PPP1R9A: variants seen among roughly 807,000 people sequenced by gnomAD.
PPP1R9A encodes neurabin-1.
A neutral mutation model predicts 141.9 loss-of-function variants in PPP1R9A; 59 were observed. The ratio of observed to expected loss-of-function variants is 0.42; its 90% CI spans 0.34 to 0.52. The LOEUF (loss-of-function observed/expected upper bound fraction) is 0.52, where lower values mean the gene tolerates loss of function less well. Ranked by LOEUF, PPP1R9A falls within the 20% of genes least tolerant of loss-of-function variation. The pLI, the probability that PPP1R9A is intolerant of heterozygous loss-of-function variation, is 0.10. For missense variants in PPP1R9A, 1,444 were observed against 1,611.9 expected, an observed-to-expected ratio of 0.90 and a Z score of 1.78; for synonymous variants, 500 against 569.7, an observed-to-expected ratio of 0.88 and a Z score of 1.74.
intron 5 of PPP1R9A, among the ~76,000 whole-genome samples, chr7:95,185,017 T>C (rs1329139950): frequency 8.4e-6 from 1 of 118,442 alleles, no homozygotes; most frequent in Non-Finnish European, 1.7e-5. Flanking sequence ...ATAGTAGTTC[T>C]ACTTTTAAGT....
At chr7:95,115,197 A>G (rs1293185424) in intron 3 of PPP1R9A, among the ~76,000 whole-genome samples, 2 of 152,178 alleles carry the variant, frequency 1.3e-5, no homozygotes, top group African/African-American at 2.4e-5. Context: ...AAGTAAACTT[A>G]TGCAAATTAG....
At chr7:95,130,598 A>C (rs1179405257) in intron 4 of PPP1R9A, among the ~76,000 whole-genome samples, 1 of 152,130 alleles carries the variant, frequency 6.6e-6, no homozygotes, top group Non-Finnish European at 1.5e-5. Context: ...ATCCACTGAC[A>C]GCTTGCACTC....
chr7:94,955,523 C>G (rs1157633443), intron 2 of PPP1R9A, among the ~76,000 whole-genome samples: 3 of 152,002 alleles, frequency 2.0e-5, no homozygotes, highest in African/African-American at 7.2e-5. Flanking sequence ...GCTCTAATTG[C>G]TGTTCTGTTC....
At chr7:95,176,984 G>GACC (rs1323193969) in intron 5 of PPP1R9A, among the ~76,000 whole-genome samples, 2 of 152,064 alleles carry the variant, frequency 1.3e-5, no homozygotes, top group Non-Finnish European at 2.9e-5. Context: ...CCTTGCTAGA[G>GACC]ACCTAGACAT....
rs1223557149 is a variant in PPP1R9A, at chr7:95,072,668, ATAT to A, written c.1396-38587_1396-38585del. 2.5e-5 allele frequency among the ~76,000 whole-genome samples: 3 copies of A among 122,236 alleles called. No homozygotes were observed. The East Asian group carries it at 6.2e-4, about 25-fold the overall frequency. The allele number at this position is 122,236 out of a possible 152,430, so 80.2% of individuals were successfully genotyped here. A position where few individuals can be genotyped will look rare whatever the true frequency, so the allele number is the denominator to read the frequency against. ...TAATATATTATAAAATATATATTAT[ATAT>A]TATATTACATATTATATATTATGTA... On this transcript the variant is annotated intron_variant, in intron 2 of 19. Transcript: ENST00000433360.
intron 2 of PPP1R9A, among the ~76,000 whole-genome samples, chr7:94,972,628 T>C (rs1269217618): frequency 6.6e-6 from 1 of 152,196 alleles, no homozygotes; most frequent in Non-Finnish European, 1.5e-5. Flanking sequence ...CAGCTGTGTT[T>C]CCTGGGTTTG....
rs854547 is a variant in PPP1R9A at position 95,294,544 on chromosome 7, G to A, written c.*4241G>A. On this transcript the variant is annotated 3_prime_UTR_variant, in exon 20 of 20. Coordinates refer to ENST00000433360, the MANE Select transcript of PPP1R9A (RefSeq NM_001166160.2). ...GTAGTGTTATAGGAAATCCAAATGC[G>A]CTTCAGTGATTCACTCCTGAAAAGC... 0.54 allele frequency: 81,997 copies of A among 151,978 alleles called. 23,119 individuals are homozygous for A. Among genetic ancestry groups the A allele is most frequent in the Middle Eastern group, 0.65 (189 of 292 alleles). 9.4% of individuals were successfully genotyped at this position (151,978 alleles called of 1,614,324 possible).
chr7:95,284,255 C>T lies in PPP1R9A; in HGVS notation c.3534C>T (p.Asn1178=). 6.4e-7 allele frequency: 1 copy of T among 1,573,240 alleles called. No homozygotes were observed. Among genetic ancestry groups the T allele is most frequent in the Non-Finnish European group, 8.6e-7 (1 of 1,156,456 alleles). The change falls in exon 17 of 20, where the codon AAC becomes AAT. Residue 1178 remains asparagine (N), a synonymous_variant. Transcript: ENST00000433360. ...GGATTACAAAAGCAAACAAGAGAAA[C>T]CCAAATCCCTCCTCTTCTTCAATCT... ...NTWITKANKR[N]PNPSSSSIFG...
At chr7:94,961,829 G>A (rs906647609) in intron 2 of PPP1R9A, among the ~76,000 whole-genome samples, 1 of 151,910 alleles carries the variant, frequency 6.6e-6, no homozygotes, top group African/African-American at 2.4e-5. Flanking sequence ...TACAGCCAAT[G>A]TATTTGAGTG....
At chr7:95,101,309 G>A (rs1311095654) in intron 2 of PPP1R9A, among the ~76,000 whole-genome samples, 1 of 152,166 alleles carries the variant, frequency 6.6e-6, no homozygotes, top group East Asian at 1.9e-4. Flanking sequence ...TTAGATGGTA[G>A]CCTGGTTAAC....
At chr7:95,216,533 T>C (rs1204430047) in intron 7 of PPP1R9A, among the ~76,000 whole-genome samples, 1 of 152,222 alleles carries the variant, frequency 6.6e-6, no homozygotes, top group Non-Finnish European at 1.5e-5. Flanking sequence ...GGGGATGGCA[T>C]TGAATCTATA....
At chr7:95,181,481 C>A (rs1305941721) in intron 5 of PPP1R9A, among the ~76,000 whole-genome samples, 4 of 130,982 alleles carry the variant, frequency 3.1e-5, no homozygotes, top group African/African-American at 1.1e-4. Flanking sequence ...TATATATATT[C>A]CATCATATAT....
chr7:95,259,648 T>A (rs1245068102), intron 12 of PPP1R9A, among the ~76,000 whole-genome samples: 1 of 152,106 alleles, frequency 6.6e-6, no homozygotes, highest in Non-Finnish European at 1.5e-5. Context: ...CCTGATAGAG[T>A]TTGAGAGTAC....
intron 2 of PPP1R9A, among the ~76,000 whole-genome samples, chr7:95,078,382 G>C (rs1325527756): frequency 6.6e-6 from 1 of 151,290 alleles, no homozygotes; most frequent in Non-Finnish European, 1.5e-5. Context: ...GTCTATCATT[G>C]TTGGACATTT....
chr7:95,089,456 A>G (rs2152330221), intron 2 of PPP1R9A, among the ~76,000 whole-genome samples: 1 of 152,180 alleles, frequency 6.6e-6, no homozygotes, highest in Admixed American at 6.5e-5. Context: ...TAGCTGTGTG[A>G]ATGTGTACTT....
intron 4 of PPP1R9A, among the ~76,000 whole-genome samples, chr7:95,146,088 A>G (rs1469344114): frequency 6.6e-6 from 1 of 152,178 alleles, no homozygotes; most frequent in East Asian, 1.9e-4. Context: ...GTCTTTCACA[A>G]TGGTTGGACA....
intron 2 of PPP1R9A, among the ~76,000 whole-genome samples, chr7:95,035,309 T>G (rs1473520439): frequency 6.6e-6 from 1 of 152,198 alleles, no homozygotes; most frequent in African/African-American, 2.4e-5. Context: ...TAGTACTCAT[T>G]AATGCTATAT....
At chr7:94,971,681 C>T (rs1347963167) in intron 2 of PPP1R9A, among the ~76,000 whole-genome samples, 1 of 152,116 alleles carries the variant, frequency 6.6e-6, no homozygotes, top group African/African-American at 2.4e-5. Context: ...CATGTGATTG[C>T]AGGTCAGCGG....
At chr7:94,987,813 G>GT (rs1325878200) in intron 2 of PPP1R9A, among the ~76,000 whole-genome samples, 3 of 151,968 alleles carry the variant, frequency 2.0e-5, no homozygotes, top group African/African-American at 4.8e-5. Flanking sequence ...TACTATTATT[G>GT]TTTTTTCTCA....
Sources: allele counts gnomAD v4.1 joint callset (sites outside exome capture counted in the v4.1 genomes callset), GRCh38; gene constraint gnomAD v4.1.1; transcripts MANE v1.5; gene names NCBI Gene and HGNC (gene_info 2026-07-23, HGNC 2026-07-21).